The following CEP112 variants were observed in gnomAD, a reference collection of about 807,000 sequenced individuals.
CEP112 encodes centrosomal protein of 112 kDa.
In CEP112, 127 loss-of-function variants were observed where a neutral mutation model predicts 153.0. That is an observed-to-expected ratio of 0.83 (90% confidence interval 0.72 to 0.96). CEP112 has a LOEUF of 0.96. CEP112 is among the 40% of genes least tolerant of loss of function. The probability of loss-of-function intolerance (pLI) is 0.00; values close to 1 mark genes in which losing one functional copy is unlikely to be tolerated. For missense variants in CEP112, 1,089 were observed against 1,101.2 expected (o/e 0.99, Z 0.16); for synonymous variants, 358 against 374.4 (o/e 0.96, Z 0.51).
At chr17:66,070,382 C>T (rs771720928) in intron 8 of CEP112, among the ~76,000 whole-genome samples, 1 of 152,042 alleles carries the variant, frequency 6.6e-6, no homozygotes, top group African/African-American at 2.4e-5. Context: ...TCTCTTCCAA[C>T]CTTTTATTTT....
intron 21 of CEP112, among the ~76,000 whole-genome samples, chr17:65,805,809 G>C (rs995654979): frequency 6.6e-6 from 1 of 152,030 alleles, no homozygotes; most frequent in Non-Finnish European, 1.5e-5. Context: ...TTTTGCCATA[G>C]AATCTCTCAA....
chr17:66,098,174 C>T (rs2068424888), intron 6 of CEP112, among the ~76,000 whole-genome samples: 1 of 152,228 alleles, frequency 6.6e-6, no homozygotes, highest in South Asian at 2.1e-4. Context: ...ACCTCGCTTC[C>T]ATTTTGTGTA....
At chr17:65,694,238 G>A (rs938374736) in intron 23 of CEP112, among the ~76,000 whole-genome samples, 2 of 152,160 alleles carry the variant, frequency 1.3e-5, no homozygotes, top group Non-Finnish European at 2.9e-5. Flanking sequence ...AGGCAGAGGA[G>A]GAGATGGAGG....
At chr17:65,670,481 A>C (rs911390343) in intron 24 of CEP112, among the ~76,000 whole-genome samples, 4 of 152,148 alleles carry the variant, frequency 2.6e-5, no homozygotes, top group Admixed American at 6.5e-5. Flanking sequence ...TAAAAACTGA[A>C]TAACAACAAG....
intron 19 of CEP112, among the ~76,000 whole-genome samples, chr17:65,919,047 A>T (rs1055511259): frequency 2.0e-5 from 3 of 152,156 alleles, no homozygotes; most frequent in African/African-American, 7.2e-5. Flanking sequence ...AGTGCTTTTA[A>T]AACTTTTCCA....
intron 6 of CEP112, 104 bp from the exon 7 acceptor site, chr17:66,096,736 G>A: frequency 2.7e-6 from 2 of 735,366 alleles, no homozygotes; most frequent in Middle Eastern, 3.9e-4. Flanking sequence ...ACATTTTCTA[G>A]ATTCTTAATA....
At chr17:66,127,617 C>T (rs945434192) in intron 6 of CEP112, among the ~76,000 whole-genome samples, 3 of 152,126 alleles carry the variant, frequency 2.0e-5, no homozygotes, top group Admixed American at 1.3e-4. Context: ...CCTTACTCTG[C>T]TCTCCACCCA....
intron 10 of CEP112, among the ~76,000 whole-genome samples, chr17:66,064,431 G>A (rs936090105): frequency 6.6e-6 from 1 of 152,128 alleles, no homozygotes; most frequent in Non-Finnish European, 1.5e-5. Flanking sequence ...TGATTTAAGT[G>A]AAAATGTGTT....
Position 65,881,033 on chromosome 17 carries a change from A to G in CEP112, c.2163+21119T>C, listed in dbSNP as rs575531275. 1.2e-4 allele frequency among the ~76,000 whole-genome samples: 18 copies of G among 152,224 alleles called. No homozygotes were observed. The South Asian group carries it at 1.5e-3, about 12-fold the overall frequency. ...AGATCCAGACCATCCTGGCTGACGC[A>G]GTGAAACCCTGTCTCTACTAAAATA... On this transcript the variant is annotated intron_variant, in intron 20 of 26. Transcript: ENST00000535342.
At chr17:65,969,881 A>G (rs1411782177) in intron 17 of CEP112, among the ~76,000 whole-genome samples, 2 of 152,240 alleles carry the variant, frequency 1.3e-5, no homozygotes, top group Non-Finnish European at 2.9e-5. Context: ...CATTATGTGT[A>G]AATTACATGC....
chr17:66,016,153 G>C (rs1185290668), intron 16 of CEP112, among the ~76,000 whole-genome samples: 1 of 152,026 alleles, frequency 6.6e-6, no homozygotes, highest in Non-Finnish European at 1.5e-5. Flanking sequence ...CTTCTTGTAT[G>C]CTACTGGTGA....
At chr17:65,997,009 G>A (rs2063816198) in intron 17 of CEP112, among the ~76,000 whole-genome samples, 1 of 152,074 alleles carries the variant, frequency 6.6e-6, no homozygotes, top group African/African-American at 2.4e-5. Flanking sequence ...AGGAGTTCAC[G>A]ACCAGTCTGG....
chr17:66,073,275 C>A (rs1234990597), intron 8 of CEP112, among the ~76,000 whole-genome samples: 3 of 152,122 alleles, frequency 2.0e-5, no homozygotes, highest in East Asian at 1.9e-4. Context: ...GAATTGAAGA[C>A]CACGATAGTC....
At chr17:66,176,709 C>A (rs1051065042) in intron 3 of CEP112, 121 bp downstream of exon 3, 17 of 637,540 alleles carry the variant, frequency 2.7e-5, no homozygotes, top group East Asian at 1.9e-4. Context: ...AGAAAAAAAA[C>A]AATTTTAATA....
intron 20 of CEP112, among the ~76,000 whole-genome samples, chr17:65,891,441 T>C (rs1246663691): frequency 6.6e-6 from 1 of 152,100 alleles, no homozygotes; most frequent in Non-Finnish European, 1.5e-5. Flanking sequence ...TTTGCTTCTG[T>C]TCCCCGGCAA....
At chr17:65,898,532 G>A (rs1470952951) in intron 20 of CEP112, among the ~76,000 whole-genome samples, 1 of 152,042 alleles carries the variant, frequency 6.6e-6, no homozygotes, top group Non-Finnish European at 1.5e-5. Context: ...GAATCACTAT[G>A]GCAAAATCAA....
intron 11 of CEP112, among the ~76,000 whole-genome samples, chr17:66,056,320 GA>G (rs1404472785): frequency 6.6e-6 from 1 of 152,124 alleles, no homozygotes; most frequent in Non-Finnish European, 1.5e-5. Flanking sequence ...AGCCACTGTG[GA>G]AAACACTTTG....
intron 18 of CEP112, among the ~76,000 whole-genome samples, chr17:65,928,341 G>T (rs901581914): frequency 6.6e-6 from 1 of 152,150 alleles, no homozygotes; most frequent in African/African-American, 2.4e-5. Context: ...ATATAAAATG[G>T]TATAGACATG....
intron 18 of CEP112, among the ~76,000 whole-genome samples, chr17:65,931,494 G>A (rs971303355): frequency 1.1e-4 from 17 of 152,310 alleles, no homozygotes; most frequent in African/African-American, 3.8e-4. Context: ...TTGGCAGGAG[G>A]CCCACTTCTG....
Sources: gnomAD v4.1 joint callset for allele counts (sites outside exome capture counted in the v4.1 genomes callset) on GRCh38, gnomAD v4.1.1 for gene constraint, MANE v1.5 for transcripts, NCBI Gene and HGNC (gene_info 2026-07-23, HGNC 2026-07-21) for gene names.